CHMP4C: variants seen among roughly 807,000 people sequenced by gnomAD.
CHMP4C encodes charged multivesicular body protein 4C, also known as SNF7 homolog associated with Alix 3.
CHMP4C carries 28 observed loss-of-function variants against 29.0 expected under a neutral mutation model. The observed-to-expected ratio is 0.97, with a 90% CI of 0.72 to 1.32. The LOEUF is 1.32. Ranked by LOEUF, CHMP4C falls within the 40% of genes most tolerant of loss-of-function variation. CHMP4C has a pLI of 0.00. For missense variants in CHMP4C, 291 were observed against 281.0 expected (o/e 1.04, Z -0.25); for synonymous variants, 106 against 102.4 (o/e 1.04, Z -0.21).
rs1274217625 is a variant in CHMP4C at position 81,759,473 on chromosome 8, A to C, written c.*929A>C. ...ACCCTTTACAGAATATTTCTTGTAA[A>C]TACATAAAAATATTGGCAATTAAAA... is the stretch of plus-strand genomic sequence containing the variant. On this transcript the variant is annotated 3_prime_UTR_variant, in exon 5 of 5. Transcript: ENST00000297265. 6.7e-6 allele frequency: 1 copy of C among 149,852 alleles called. No homozygotes were observed. The highest frequency in any genetic ancestry group is 1.5e-5 in the Non-Finnish European group (1 of 66,904). The allele number at this position is 149,852 out of a possible 1,614,324, so 9.3% of individuals were successfully genotyped here.
intron 1 of CHMP4C, 30 bp from the exon 2 acceptor site, chr8:81,753,034 C>T (rs1424564070): frequency 2.6e-6 from 4 of 1,562,656 alleles, no homozygotes; most frequent in Non-Finnish European, 3.5e-6. Context: ...CTTTCTCTTT[C>T]CTAATAAATG....
intron 1 of CHMP4C, among the ~76,000 whole-genome samples, chr8:81,750,241 A>G (rs560840003): frequency 6.6e-6 from 1 of 152,240 alleles, no homozygotes; most frequent in African/African-American, 2.4e-5. Flanking sequence ...TAGAATGAAT[A>G]TAGCTGAAGA....
chr8:81,742,711 T>C (rs1808776492), intron 1 of CHMP4C, among the ~76,000 whole-genome samples: 1 of 152,156 alleles, frequency 6.6e-6, no homozygotes, highest in South Asian at 2.1e-4. Flanking sequence ...ATTTAATATA[T>C]ATAAAGTGAA....
intron 1 of CHMP4C, among the ~76,000 whole-genome samples, chr8:81,745,435 C>T (rs945441329): frequency 6.6e-6 from 1 of 152,142 alleles, no homozygotes; most frequent in African/African-American, 2.4e-5. Flanking sequence ...TAACAATGTG[C>T]ACATTTATCC....
intron 1 of CHMP4C, among the ~76,000 whole-genome samples, chr8:81,737,046 A>G (rs1041948938): frequency 5.9e-5 from 9 of 152,236 alleles, no homozygotes; most frequent in Non-Finnish European, 1.0e-4. Context: ...CTTGAGTTAT[A>G]ATTTGGTTAA....
At chr8:81,737,583 T>A (rs1470519232) in intron 1 of CHMP4C, among the ~76,000 whole-genome samples, 1 of 152,206 alleles carries the variant, frequency 6.6e-6, no homozygotes, top group South Asian at 2.1e-4. Flanking sequence ...AGTATCTTGG[T>A]GTTGTAGTTA....
At chr8:81,748,210 TG>T (rs1324439423) in intron 1 of CHMP4C, among the ~76,000 whole-genome samples, 1 of 152,260 alleles carries the variant, frequency 6.6e-6, no homozygotes, top group Non-Finnish European at 1.5e-5. Flanking sequence ...TCTTATTCCC[TG>T]AACAATTGCT....
chr8:81,742,588 T>C (rs1808774573), intron 1 of CHMP4C, among the ~76,000 whole-genome samples: 1 of 152,194 alleles, frequency 6.6e-6, no homozygotes, highest in Non-Finnish European at 1.5e-5. Context: ...TATCACATGG[T>C]GTTATATGCT....
At position 81,756,857 on chromosome 8, in the gene CHMP4C, G is replaced by A. The variant is rs114603158; in HGVS notation, c.484-1285G>A. Among the ~76,000 whole-genome samples, 500 of 152,244 alleles carry A rather than the reference G, an allele frequency of 3.3e-3. 2 individuals are homozygous for A. The highest frequency in any genetic ancestry group is 0.012 in the African/African-American group (480 of 41,530). On this transcript the variant is annotated intron_variant, in intron 3 of 4. Transcript: ENST00000297265. Reference sequence around the variant, plus strand: ...ATTGTTTTGTGAGCAGAAATAGGACGCCAGGGTATTCATTCTGTTCCATTT... The same window carrying A: ...ATTGTTTTGTGAGCAGAAATAGGACACCAGGGTATTCATTCTGTTCCATTT...
At chr8:81,755,522 G>C (rs923860424) in intron 3 of CHMP4C, 38 bp downstream of exon 3, 7 of 1,213,034 alleles carry the variant, frequency 5.8e-6, no homozygotes, top group Non-Finnish European at 8.5e-6. Flanking sequence ...GATTGTGGCT[G>C]CTATAAAGAG....
At chr8:81,741,437 C>T (rs1470746029) in intron 1 of CHMP4C, among the ~76,000 whole-genome samples, 3 of 152,090 alleles carry the variant, frequency 2.0e-5, no homozygotes, top group African/African-American at 7.2e-5. Context: ...GTACTGTGAG[C>T]TTACCTACAG....
At chr8:81,739,094 TC>T (rs1416958371) in intron 1 of CHMP4C, among the ~76,000 whole-genome samples, 16 of 134,492 alleles carry the variant, frequency 1.2e-4, no homozygotes, top group Admixed American at 7.2e-4. Context: ...TTTTTTCTTT[TC>T]CCTTTTTTTT....
At chr8:81,740,478 C>T (rs1808750983) in intron 1 of CHMP4C, among the ~76,000 whole-genome samples, 2 of 152,232 alleles carry the variant, frequency 1.3e-5, no homozygotes, top group Admixed American at 1.3e-4. Context: ...TGGCCTGCCG[C>T]TCATCTCCTG....
At chr8:81,735,844 T>TG (rs1324590884) in intron 1 of CHMP4C, among the ~76,000 whole-genome samples, 3 of 152,022 alleles carry the variant, frequency 2.0e-5, no homozygotes, top group Non-Finnish European at 4.4e-5. Flanking sequence ...CTCAGCAATC[T>TG]GGGGGGCTGA....
intron 1 of CHMP4C, among the ~76,000 whole-genome samples, chr8:81,742,071 G>A (rs1440671893): frequency 6.6e-6 from 1 of 152,174 alleles, no homozygotes; most frequent in Non-Finnish European, 1.5e-5. Flanking sequence ...AAGCTTCTAA[G>A]ATCATGGTTT....
chr8:81,751,369 A>C (rs552018695), intron 1 of CHMP4C, among the ~76,000 whole-genome samples: 1 of 151,138 alleles, frequency 6.6e-6, no homozygotes, highest in African/African-American at 2.4e-5. Context: ...AAAATTGGAA[A>C]GTATAATAAA....
chr8:81,743,585 A>C (rs1046672061), intron 1 of CHMP4C, among the ~76,000 whole-genome samples: 7 of 152,222 alleles, frequency 4.6e-5, no homozygotes, highest in Non-Finnish European at 1.5e-5. Flanking sequence ...TCTCTTGCCC[A>C]GCAATTGACT....
chr8:81,735,009 T>G (rs1316834213), intron 1 of CHMP4C, among the ~76,000 whole-genome samples: 1 of 152,022 alleles, frequency 6.6e-6, no homozygotes, highest in African/African-American at 2.4e-5. Flanking sequence ...TTCTCCTGCC[T>G]CAGCTTCCCG....
At chr8:81,733,393 T>G (rs2130468175) in intron 1 of CHMP4C, among the ~76,000 whole-genome samples, 1 of 152,342 alleles carries the variant, frequency 6.6e-6, no homozygotes, top group East Asian at 1.9e-4. Flanking sequence ...AGTTTTCTGC[T>G]GTATGTTTGT....
Sources: gnomAD v4.1 joint callset for allele counts (sites outside exome capture counted in the v4.1 genomes callset) on GRCh38, gnomAD v4.1.1 for gene constraint, MANE v1.5 for transcripts, NCBI Gene and HGNC (gene_info 2026-07-23, HGNC 2026-07-21) for gene names.